Variants in DGLUCY observed in about 807,000 individuals in gnomAD.
The protein encoded by DGLUCY is D-glutamate cyclase.
A neutral mutation model predicts 58.5 loss-of-function variants in DGLUCY; 58 were observed. The ratio of observed to expected loss-of-function variants is 0.99; its 90% CI spans 0.80 to 1.23. DGLUCY has a LOEUF of 1.23. DGLUCY is among the 50% of genes most tolerant of loss of function. The pLI is 0.00. For missense variants in DGLUCY, 779 were observed against 784.7 expected (o/e 0.99, Z 0.09); for synonymous variants, 325 against 314.1 (o/e 1.03, Z -0.37).
chr14:91,205,878 T>C (rs1884606083), intron 12 of DGLUCY, among the ~76,000 whole-genome samples: 1 of 143,852 alleles, frequency 7.0e-6, no homozygotes, highest in African/African-American at 2.6e-5. Context: ...GCGTGCTTTG[T>C]TGCCCAGGCT....
chr14:91,061,871 C>T (rs187106062), intron 1 of DGLUCY, among the ~76,000 whole-genome samples: 1 of 152,226 alleles, frequency 6.6e-6, no homozygotes, highest in East Asian at 1.9e-4. Context: ...GGGCAGGAAT[C>T]CTGCTGCAAG....
At chr14:91,166,817 G>A (rs12590057) in intron 3 of DGLUCY, among the ~76,000 whole-genome samples, 19,900 of 151,956 alleles carry the variant, frequency 0.13, 2,125 homozygotes, top group African/African-American at 0.28. Flanking sequence ...AAATCACAGA[G>A]GGGCTGGGCG....
intron 1 of DGLUCY, among the ~76,000 whole-genome samples, chr14:91,132,436 C>T (rs1330567703): frequency 2.0e-5 from 3 of 151,478 alleles, no homozygotes; most frequent in African/African-American, 7.3e-5. Context: ...CATGGTGGTG[C>T]ATGCCTGTAG....
intron 1 of DGLUCY, among the ~76,000 whole-genome samples, chr14:91,096,536 T>A (rs1030307422): frequency 4.0e-5 from 6 of 151,880 alleles, no homozygotes; most frequent in Admixed American, 2.6e-4. Flanking sequence ...GATGGAGGAG[T>A]TTGTACAGCT....
intron 1 of DGLUCY, among the ~76,000 whole-genome samples, chr14:91,077,677 G>A (rs1056040620): frequency 3.3e-5 from 5 of 151,582 alleles, no homozygotes; most frequent in Non-Finnish European, 7.4e-5. Flanking sequence ...GCTTGAACCC[G>A]GGAGGCGGAG....
In DGLUCY at chr14:91,181,261, G is replaced by A. The variant is rs1339773232; in HGVS notation, c.806G>A (p.Gly269Asp). 1 of 1,614,038 alleles carries A rather than the reference G, an allele frequency of 6.2e-7. No homozygotes were observed. The highest frequency in any genetic ancestry group is 8.5e-7 in the Non-Finnish European group (1 of 1,180,046). Residue 269 changes from glycine to aspartate, a missense_variant, in exon 8 of 14, where the codon GGT becomes GAT. Gly to Asp is a moderately conservative substitution (Grantham distance 94). Coordinates refer to ENST00000256324, the MANE Select transcript of DGLUCY (RefSeq NM_001102368.3). ...TDLKDAKAPP[G>D]CLTPERIPEV... ...CTGAAGGATGCAAAGGCTCCACCTG[G>A]TTGTCTCACCCCAGAGAGAATTCCA...
At position 91,176,006 on chromosome 14, in the gene DGLUCY, C is replaced by T; in HGVS notation, c.680C>T (p.Pro227Leu). 1 of 1,614,080 alleles carries T rather than the reference C, an allele frequency of 6.2e-7. No homozygotes were observed. The highest frequency in any genetic ancestry group is 8.5e-7 in the Non-Finnish European group (1 of 1,179,976). ...ATGGTGTGTCCCCCAGGGGAGGTTCCAGTGTTCTGGCCTTCTCCGCTGACC... is the reference window on the plus strand; with the variant it reads ...ATGGTGTGTCCCCCAGGGGAGGTTCTAGTGTTCTGGCCTTCTCCGCTGACC... ...DAMVCPPGEV[P>L]VFWPSPLTSL... The change falls in exon 7 of 14, where the codon CCA (proline) becomes CTA (leucine). Residue 227 changes from proline (P) to leucine (L), a missense_variant. By Grantham distance (98) the Pro-to-Leu change is moderately conservative. Transcript: ENST00000256324.
chr14:91,188,847 A>T, intron 8 of DGLUCY, 63 bp from the exon 9 acceptor site: 20 of 1,496,086 alleles, frequency 1.3e-5, no homozygotes, highest in Non-Finnish European at 1.7e-5. Flanking sequence ...AAATACATAC[A>T]TACATACATA....
intron 7 of DGLUCY, among the ~76,000 whole-genome samples, chr14:91,176,346 C>T (rs1446733800): frequency 2.6e-5 from 4 of 152,096 alleles, no homozygotes; most frequent in Admixed American, 1.3e-4. Flanking sequence ...CAGTCTCAGC[C>T]TCCTGAGTAG....
At chr14:91,091,034 A>G (rs8013096) in intron 1 of DGLUCY, 41,931 of 152,126 alleles carry the variant, frequency 0.28, 6,692 homozygotes, top group African/African-American at 0.43. Context: ...AGTGTTGAGG[A>G]TTGGGAAGAC....
At chr14:91,204,976 T>TC (rs2140633353) in intron 12 of DGLUCY, 151 bp downstream of exon 12, 2 of 972,402 alleles carry the variant, frequency 2.1e-6, no homozygotes, top group East Asian at 5.4e-5. Context: ...CTATGACCTT[T>TC]CATTCAGTCA....
intron 1 of DGLUCY, among the ~76,000 whole-genome samples, chr14:91,140,347 A>G (rs528789900): frequency 1.3e-5 from 2 of 152,316 alleles, no homozygotes; most frequent in South Asian, 4.1e-4. Flanking sequence ...GTTTCCTACA[A>G]TATAGTGATG....
chr14:91,184,375 C>T (rs2049357955), intron 8 of DGLUCY, among the ~76,000 whole-genome samples: 1 of 151,280 alleles, frequency 6.6e-6, no homozygotes, highest in South Asian at 2.1e-4. Flanking sequence ...GAGATCCTAT[C>T]TCTAGAAAAA....
At chr14:91,162,921 CAA>C (rs2048073222) in intron 3 of DGLUCY, among the ~76,000 whole-genome samples, 1 of 144,998 alleles carries the variant, frequency 6.9e-6, no homozygotes, top group Non-Finnish European at 1.5e-5. Flanking sequence ...AAAAAGGAAA[CAA>C]AGAAGCTTTG....
chr14:91,163,774 C>T (rs2140362355), intron 3 of DGLUCY, among the ~76,000 whole-genome samples: 1 of 152,252 alleles, frequency 6.6e-6, no homozygotes, highest in East Asian at 1.9e-4. Flanking sequence ...GAGCCTCGTT[C>T]CCCTCATCTA....
chr14:91,080,020 T>C (rs1199266446), intron 1 of DGLUCY, among the ~76,000 whole-genome samples: 2 of 152,210 alleles, frequency 1.3e-5, no homozygotes, highest in African/African-American at 4.8e-5. Context: ...AGTTTGCCTA[T>C]TATAGGGACT....
At chr14:91,119,303 C>A (rs1205121011) in intron 1 of DGLUCY, among the ~76,000 whole-genome samples, 2 of 151,968 alleles carry the variant, frequency 1.3e-5, no homozygotes, top group Non-Finnish European at 2.9e-5. Context: ...AATTAGAGGG[C>A]AAACAGCTCC....
intron 4 of DGLUCY, 94 bp from the exon 5 acceptor site, chr14:91,169,909 C>T (rs1021182640): frequency 5.3e-6 from 7 of 1,331,900 alleles, no homozygotes; most frequent in African/African-American, 4.3e-5. Context: ...CAGCACTAGA[C>T]ATCCTCTTCT....
chr14:91,083,836 C>G (rs985680299), intron 1 of DGLUCY, among the ~76,000 whole-genome samples: 4 of 152,108 alleles, frequency 2.6e-5, no homozygotes, highest in Admixed American at 2.6e-4. Flanking sequence ...CTTGGAGTCA[C>G]TTTCATGGCC....
Sources: gnomAD v4.1 joint callset for allele counts (sites outside exome capture counted in the v4.1 genomes callset) on GRCh38, gnomAD v4.1.1 for gene constraint, MANE v1.5 for transcripts, NCBI Gene and HGNC (gene_info 2026-07-23, HGNC 2026-07-21) for gene names.